The following ESR1 variants were observed in gnomAD, a reference collection of about 807,000 sequenced individuals.
ESR1 encodes estrogen receptor 1, also known as estrogen receptor.
ESR1 carries 12 observed loss-of-function variants against 52.7 expected under a neutral mutation model. The ratio of observed to expected loss-of-function variants is 0.23; its 90% CI spans 0.15 to 0.37. The LOEUF (loss-of-function observed/expected upper bound fraction) is 0.37. Ranked by LOEUF, ESR1 falls within the 10% of genes least tolerant of loss-of-function variation. The probability of loss-of-function intolerance (pLI) is 1.00; values close to 1 mark genes in which losing one functional copy is unlikely to be tolerated. For missense variants in ESR1, 584 were observed against 779.7 expected, an observed-to-expected ratio of 0.75 and a Z score of 2.99; for synonymous variants, 305 against 316.8, an observed-to-expected ratio of 0.96 and a Z score of 0.39.
intron 3 of ESR1, among the ~76,000 whole-genome samples, chr6:151,941,722 C>A (rs190330105): frequency 6.6e-6 from 1 of 152,144 alleles, no homozygotes; most frequent in Non-Finnish European, 1.5e-5. Flanking sequence ...CTCAGTGATA[C>A]CCCTCATCGT....
chr6:151,898,203 G>C (rs544144565), intron 3 of ESR1, among the ~76,000 whole-genome samples: 6 of 152,076 alleles, frequency 3.9e-5, no homozygotes, highest in African/African-American at 9.7e-5. Context: ...AATTTTTCAG[G>C]TGTTATTTGA....
At chr6:151,913,265 C>A (rs1412558630) in intron 3 of ESR1, among the ~76,000 whole-genome samples, 1 of 152,168 alleles carries the variant, frequency 6.6e-6, no homozygotes. Flanking sequence ...TACTTTGTCA[C>A]GTCACATGCC....
chr6:152,059,475 T>C (rs1452702215), intron 5 of ESR1, among the ~76,000 whole-genome samples: 1 of 151,776 alleles, frequency 6.6e-6, no homozygotes, highest in African/African-American at 2.4e-5. Context: ...GAAAAACAAT[T>C]AAAAATACAT....
intron 3 of ESR1, among the ~76,000 whole-genome samples, chr6:151,904,814 A>T (rs1797197868): frequency 6.6e-6 from 1 of 152,142 alleles, no homozygotes; most frequent in Admixed American, 6.5e-5. Flanking sequence ...TTTCACGTGG[A>T]TGTATCATTT....
intron 1 of ESR1, among the ~76,000 whole-genome samples, chr6:151,828,107 CT>C (rs1298014030): frequency 6.6e-6 from 1 of 152,166 alleles, no homozygotes; most frequent in Non-Finnish European, 1.5e-5. Flanking sequence ...GCTCTATTGT[CT>C]TTTGTTGCCT....
upstream of ESR1, among the ~76,000 whole-genome samples, chr6:151,687,551 C>T (rs1778737909): frequency 6.6e-6 from 1 of 152,182 alleles, no homozygotes; most frequent in African/African-American, 2.4e-5. Context: ...CAGATAAAAA[C>T]ACACAGTCCA....
intron 4 of ESR1, among the ~76,000 whole-genome samples, chr6:151,992,100 G>A (rs2041080874): frequency 6.6e-6 from 1 of 152,070 alleles, no homozygotes; most frequent in Admixed American, 6.6e-5. Flanking sequence ...AGCTCTTTGA[G>A]GGCAGAAATT....
chr6:151,850,557 G>A (rs1361674116), intron 2 of ESR1, among the ~76,000 whole-genome samples: 1 of 151,780 alleles, frequency 6.6e-6, no homozygotes, highest in Non-Finnish European at 1.5e-5. Flanking sequence ...ATAATATTTG[G>A]GGCCTAAAGT....
At chr6:151,663,366 A>T (rs764348315) in intron 1 of ESR1, among the ~76,000 whole-genome samples, 1 of 152,214 alleles carries the variant, frequency 6.6e-6, no homozygotes, top group Admixed American at 6.5e-5. Flanking sequence ...TTCTGCTGAG[A>T]TCAACTGAGA....
At chr6:152,016,462 A>G (rs1168394007) in intron 5 of ESR1, among the ~76,000 whole-genome samples, 1 of 152,178 alleles carries the variant, frequency 6.6e-6, no homozygotes, top group Non-Finnish European at 1.5e-5. Flanking sequence ...AAATTTCAAT[A>G]TTATTTAATT....
chr6:152,126,136 G>A (rs1249182768), exon 7 of ESR1: 1 of 152,200 alleles, frequency 6.6e-6, no homozygotes, highest in Non-Finnish European at 1.5e-5. Context: ...AAGCTAGGAA[G>A]AAGTCATGGG....
intron 2 of ESR1, among the ~76,000 whole-genome samples, chr6:151,869,810 CT>C (rs1345640801): frequency 2.0e-5 from 3 of 151,746 alleles, no homozygotes; most frequent in African/African-American, 7.3e-5. Flanking sequence ...ATTTTTCTTC[CT>C]TTTAAATAAT....
At chr6:151,827,846 A>G (rs577281970) in intron 1 of ESR1, among the ~76,000 whole-genome samples, 29 of 152,340 alleles carry the variant, frequency 1.9e-4, no homozygotes, top group Middle Eastern at 3.4e-3. Context: ...GACTATATGT[A>G]TGCACTTCAA....
At chr6:151,850,082 A>G (rs1429506134) in intron 2 of ESR1, among the ~76,000 whole-genome samples, 1 of 132,296 alleles carries the variant, frequency 7.6e-6, no homozygotes, top group African/African-American at 2.8e-5. Context: ...ATAAAAAATT[A>G]TATATATATA....
rs542142271 is a variant in ESR1, at chr6:151,869,993, C to A, written c.644-10662C>A. 2.0e-5 allele frequency among the ~76,000 whole-genome samples: 3 copies of A among 152,212 alleles called. No homozygotes were observed. The East Asian group carries it at 5.8e-4, about 29-fold the overall frequency. Reference sequence around the variant, plus strand: ...GTTCAAATCATGGCACATTGAATGTCCTCACTGGATTTTTAGGAATGTGTT... The same window carrying A: ...GTTCAAATCATGGCACATTGAATGTACTCACTGGATTTTTAGGAATGTGTT... On this transcript the variant is annotated intron_variant, in intron 2 of 7. Transcript: ENST00000206249.
intron 6 of ESR1, among the ~76,000 whole-genome samples, chr6:152,068,833 A>C (rs3020375): frequency 0.46 from 68,697 of 150,410 alleles, 17,984 homozygotes; most frequent in African/African-American, 0.71. Context: ...AGCTACTGAT[A>C]ATGCTTGGAA....
chr6:151,884,791 T>C (rs1793576363), intron 3 of ESR1, among the ~76,000 whole-genome samples: 1 of 152,188 alleles, frequency 6.6e-6, no homozygotes, highest in South Asian at 2.1e-4. Flanking sequence ...CTTTTTCCTC[T>C]TCATTTGTCT....
In ESR1 at chr6:152,028,122, C is replaced by T. The variant is rs192606777; in HGVS notation, c.1235+16328C>T. The stretch of plus-strand genomic sequence containing the variant: ...TCACGCCATTGCACTCCAGCCTTGG[C>T]GACAGAGTGAGACTTTGTCTCAAAA... On this transcript the variant is annotated intron_variant, in intron 5 of 7. Coordinates refer to ENST00000206249, the MANE Select transcript of ESR1 (RefSeq NM_000125.4). Among the ~76,000 whole-genome samples the T allele has an allele frequency of 1.1e-4, 16 of 152,094 alleles. No homozygotes were observed. The South Asian group carries it at 1.9e-3, about 18-fold the overall frequency.
chr6:151,972,272 A>G (rs1043142869), intron 4 of ESR1, among the ~76,000 whole-genome samples: 1 of 152,212 alleles, frequency 6.6e-6, no homozygotes, highest in African/African-American at 2.4e-5. Flanking sequence ...CACAAGACAG[A>G]GAAAGAGGGA....
Sources: allele counts gnomAD v4.1 joint callset (sites outside exome capture counted in the v4.1 genomes callset), GRCh38; gene constraint gnomAD v4.1.1; transcripts MANE v1.5; gene names NCBI Gene and HGNC (gene_info 2026-07-23, HGNC 2026-07-21).